FRMD5: variants seen among roughly 807,000 people sequenced by gnomAD.
FRMD5 encodes the protein FERM domain-containing protein 5.
A neutral mutation model predicts 69.0 loss-of-function variants in FRMD5; 20 were observed. The observed-to-expected ratio is 0.29, with a 90% CI of 0.20 to 0.42. The LOEUF (loss-of-function observed/expected upper bound fraction) is 0.42, where lower values mean the gene tolerates loss of function less well. Among genes scored for constraint, FRMD5 ranks in the 10% least tolerant of loss-of-function variants. The pLI is 1.00. For missense variants in FRMD5, 595 were observed against 708.6 expected, an observed-to-expected ratio of 0.84 and a Z score of 1.82; for synonymous variants, 271 against 260.1, an observed-to-expected ratio of 1.04 and a Z score of -0.40.
chr15:44,065,585 T>C (rs773988001), intron 1 of FRMD5, among the ~76,000 whole-genome samples: 5 of 152,136 alleles, frequency 3.3e-5, no homozygotes, highest in Non-Finnish European at 5.9e-5. Flanking sequence ...TTAGACAGTT[T>C]AATATAAAAG....
chr15:43,875,804 GT>G (rs34063043), intron 13 of FRMD5: 16,136 of 210,542 alleles, frequency 0.077, 962 homozygotes, highest in African/African-American at 0.27. Flanking sequence ...CCTGGGCCTA[GT>G]TTTTTTTTTT....
At chr15:43,874,516 T>C in intron 13 of FRMD5, 54 bp from the exon 14 acceptor site, 2 of 1,371,500 alleles carry the variant, frequency 1.5e-6, no homozygotes, top group Non-Finnish European at 2.1e-6. Flanking sequence ...CCCTTTGCTT[T>C]CCAGTAGCAC....
At chr15:43,902,469 T>C (rs1332066664) in intron 6 of FRMD5, among the ~76,000 whole-genome samples, 1 of 152,108 alleles carries the variant, frequency 6.6e-6, no homozygotes, top group Non-Finnish European at 1.5e-5. Context: ...GCAGGCTACA[T>C]AATGAATTAC....
intron 13 of FRMD5, among the ~76,000 whole-genome samples, chr15:43,875,129 A>G (rs2088294339): frequency 6.6e-6 from 1 of 151,984 alleles, no homozygotes; most frequent in South Asian, 2.1e-4. Context: ...CTTGGGAGGC[A>G]GAGGTTATAG....
At chr15:43,972,611 C>T (rs2090398564) in intron 1 of FRMD5, among the ~76,000 whole-genome samples, 1 of 152,172 alleles carries the variant, frequency 6.6e-6, no homozygotes, top group Non-Finnish European at 1.5e-5. Flanking sequence ...TGGATTTCAG[C>T]CCCAGTTGCC....
chr15:44,183,767 A>T (rs2078051840), intron 1 of FRMD5, among the ~76,000 whole-genome samples: 1 of 152,076 alleles, frequency 6.6e-6, no homozygotes, highest in South Asian at 2.1e-4. Context: ...GGATCACCTT[A>T]GGTCAGGAGT....
intron 1 of FRMD5, among the ~76,000 whole-genome samples, chr15:44,036,248 A>T (rs1891904550): frequency 6.6e-6 from 1 of 152,096 alleles, no homozygotes; most frequent in Non-Finnish European, 1.5e-5. Flanking sequence ...ACCAAGGTTG[A>T]ACTTCTCTCA....
At chr15:44,106,840 A>G (rs2076726647) in intron 1 of FRMD5, among the ~76,000 whole-genome samples, 1 of 152,256 alleles carries the variant, frequency 6.6e-6, no homozygotes, top group Admixed American at 6.5e-5. Context: ...CTGATGAAAT[A>G]CATTAGCCAT....
chr15:43,996,998 T>C (rs1038470169), intron 1 of FRMD5, among the ~76,000 whole-genome samples: 2 of 152,122 alleles, frequency 1.3e-5, no homozygotes, highest in African/African-American at 2.4e-5. Flanking sequence ...AGCTTTCCAA[T>C]GATTAAAACA....
intron 1 of FRMD5, among the ~76,000 whole-genome samples, chr15:43,949,200 C>T (rs1001368872): frequency 1.3e-5 from 2 of 152,180 alleles, no homozygotes; most frequent in South Asian, 2.1e-4. Flanking sequence ...CTGGGAAAGG[C>T]CCTGCAAAGC....
At chr15:43,919,225 C>T in intron 4 of FRMD5, 1 of 663,730 alleles carries the variant, frequency 1.5e-6, no homozygotes. Context: ...GTGACCAGTT[C>T]AAGAGGTAGT....
At chr15:44,095,905 T>C (rs1329191365) in intron 1 of FRMD5, among the ~76,000 whole-genome samples, 3 of 152,144 alleles carry the variant, frequency 2.0e-5, no homozygotes, top group Non-Finnish European at 4.4e-5. Context: ...TGACCTACTC[T>C]TACTACATAA....
chr15:44,070,375 G>A (rs947824612), intron 1 of FRMD5, among the ~76,000 whole-genome samples: 1 of 150,226 alleles, frequency 6.7e-6, no homozygotes, highest in African/African-American at 2.4e-5. Flanking sequence ...CTCATTGAGA[G>A]TCTGCTTCTG....
intron 2 of FRMD5, 29 bp from the exon 3 acceptor site, chr15:43,919,838 C>G (rs779889379): frequency 7.5e-6 from 12 of 1,604,624 alleles, no homozygotes; most frequent in Non-Finnish European, 1.0e-5. Context: ...AACATGAAAA[C>G]CCTAATGAGA....
chr15:44,102,416 A>AG (rs928074719), intron 1 of FRMD5, among the ~76,000 whole-genome samples: 4 of 152,222 alleles, frequency 2.6e-5, no homozygotes, highest in Non-Finnish European at 5.9e-5. Context: ...GGCATGAAGG[A>AG]GGTCCTCAAT....
intron 1 of FRMD5, among the ~76,000 whole-genome samples, chr15:43,944,146 T>C (rs2089906496): frequency 6.6e-6 from 1 of 152,226 alleles, no homozygotes. Flanking sequence ...CTTACAATTA[T>C]GGAGGCTGAG....
chr15:43,959,178 C>A (rs2090159675), intron 1 of FRMD5, among the ~76,000 whole-genome samples: 1 of 152,228 alleles, frequency 6.6e-6, no homozygotes, highest in South Asian at 2.1e-4. Context: ...ACAGAGCCAT[C>A]TGTTAGCCAA....
At chr15:43,964,125 C>A (rs2090252418) in intron 1 of FRMD5, among the ~76,000 whole-genome samples, 1 of 151,776 alleles carries the variant, frequency 6.6e-6, no homozygotes. Flanking sequence ...TTTGTGAATG[C>A]AACTTTTGTT....
chr15:43,955,444 G>A (rs1268810473), intron 1 of FRMD5, among the ~76,000 whole-genome samples: 1 of 152,166 alleles, frequency 6.6e-6, no homozygotes, highest in Non-Finnish European at 1.5e-5. Context: ...TCAGCATTTG[G>A]CCAATAAAAG....
Sources: allele counts gnomAD v4.1 joint callset (sites outside exome capture counted in the v4.1 genomes callset), GRCh38; gene constraint gnomAD v4.1.1; transcripts MANE v1.5; gene names NCBI Gene and HGNC (gene_info 2026-07-23, HGNC 2026-07-21).